SRSF3: variants seen among roughly 807,000 people sequenced by gnomAD.
SRSF3 encodes the protein serine/arginine-rich splicing factor 3.
For synonymous variants in SRSF3, 87 were observed against 73.6 expected, an observed-to-expected ratio of 1.18 and a Z score of -0.93; for missense variants, 58 against 217.1, an observed-to-expected ratio of 0.27 and a Z score of 4.61.
chr6:36,599,290 C>A, intron 3 of SRSF3: 1 of 281,866 alleles, frequency 3.5e-6, no homozygotes, highest in East Asian at 7.0e-5. Context: ...TTCTTGGCTC[C>A]ATAATGACAA....
intron 3 of SRSF3, 41 bp from the exon 4 acceptor site, chr6:36,601,111 C>T (rs1201672309): frequency 2.1e-6 from 3 of 1,426,652 alleles, no homozygotes; most frequent in East Asian, 7.1e-5. Flanking sequence ...GCCATAAATA[C>T]TAATTGATGA....
intron 1 of SRSF3, among the ~76,000 whole-genome samples, chr6:36,594,958 A>G (rs1025384156): frequency 6.6e-6 from 1 of 152,192 alleles, no homozygotes; most frequent in African/African-American, 2.4e-5. Context: ...AGACCGAAAG[A>G]TCTTCCTTGA....
chr6:36,595,599 T>C (rs894671103), intron 1 of SRSF3, among the ~76,000 whole-genome samples: 4 of 152,236 alleles, frequency 2.6e-5, no homozygotes, highest in African/African-American at 9.6e-5. Context: ...CGTGTACTTT[T>C]ATGTCTGGCT....
chr6:36,597,097 CTT>C (rs35760494), intron 2 of SRSF3, 129 bp downstream of exon 2: 21,408 of 338,168 alleles, frequency 0.063, 1 homozygote, highest in East Asian at 0.075. Flanking sequence ...CAATTGGGAT[CTT>C]TTTTTTTTTT....
intron 2 of SRSF3, among the ~76,000 whole-genome samples, chr6:36,598,069 T>G (rs187765337): frequency 6.6e-6 from 1 of 152,136 alleles, no homozygotes; most frequent in Non-Finnish European, 1.5e-5. Context: ...TTCTGTCTTG[T>G]CTTGAACTGA....
intron 1 of SRSF3, chr6:36,594,720 C>A (rs1778595909): frequency 6.6e-6 from 1 of 151,712 alleles, no homozygotes; most frequent in South Asian, 2.1e-4. Flanking sequence ...GAGTTGGGAA[C>A]CACAAAGGGG....
chr6:36,596,607 T>G, intron 1 of SRSF3, among the ~76,000 whole-genome samples, 154 bp from the exon 2 acceptor site: 1 of 146,636 alleles, frequency 6.8e-6, no homozygotes, highest in Non-Finnish European at 1.5e-5. Flanking sequence ...AGCAGTAACA[T>G]TTCTTGTTTG....
intron 3 of SRSF3, chr6:36,600,948 T>A (rs1371154181): frequency 2.1e-6 from 1 of 469,908 alleles, no homozygotes. Context: ...GCTTTTCACT[T>A]GAGCTTTTTG....
In SRSF3 at chr6:36,603,906, G is replaced by A. The variant is rs757262638; in HGVS notation, c.*1917G>A. On this transcript the variant is annotated 3_prime_UTR_variant, in exon 6 of 6. Transcript: ENST00000373715. ...GGGTTTCTGTAAAAAGGACAGTTAC[G>A]GGTATAATATGGCTAAGAGAAATAA... The A allele has an allele frequency of 1.7e-5, 4 of 228,586 alleles. No individual in the cohort carries two copies. Among genetic ancestry groups the A allele is most frequent in the South Asian group, 1.9e-4 (1 of 5,380 alleles). 14.2% of individuals were successfully genotyped at this position (228,586 alleles called of 1,614,324 possible). A position where few individuals can be genotyped will look rare whatever the true frequency, so the allele number is the denominator to read the frequency against.
In SRSF3 at chr6:36,602,704, A is replaced by T. The variant is rs1380163076; in HGVS notation, c.*715A>T. Reference sequence around the variant, plus strand: ...GCCGAACTTTGAGTTACTGTGCAAGATTTTTTTTTCATGCTGTCATTTGTA... The same window carrying T: ...GCCGAACTTTGAGTTACTGTGCAAGTTTTTTTTTTCATGCTGTCATTTGTA... On this transcript the variant is annotated 3_prime_UTR_variant, in exon 6 of 6. Coordinates refer to ENST00000373715, the MANE Select transcript of SRSF3 (RefSeq NM_003017.5). The T allele has an allele frequency of 4.8e-6, 1 of 210,214 alleles. No individual in the cohort carries two copies. Among genetic ancestry groups the T allele is most frequent in the South Asian group, 1.9e-4 (1 of 5,300 alleles). 13.0% of individuals were successfully genotyped at this position (210,214 alleles called of 1,614,324 possible). A position where few individuals can be genotyped will look rare whatever the true frequency, so the allele number is the denominator to read the frequency against.
At chr6:36,599,979 C>T in intron 3 of SRSF3, 3 of 1,292,086 alleles carry the variant, frequency 2.3e-6, no homozygotes, top group Non-Finnish European at 3.0e-6. Flanking sequence ...CCCTTTGGTT[C>T]CCGAGCATGC....
chr6:36,601,361 T>G, intron 4 of SRSF3, 171 bp downstream of exon 4: 1 of 673,518 alleles, frequency 1.5e-6, no homozygotes, highest in South Asian at 2.1e-5. Context: ...TAGAAAGTAT[T>G]TAATTTTTTA....
Position 36,598,774 on chromosome 6 carries a change from CTG to C in SRSF3, c.207-74_207-73del. On this transcript the variant is annotated intron_variant, in intron 2 of 5. Transcript: ENST00000373715. The stretch of plus-strand genomic sequence containing the variant: ...GGTGTGTTCTTTGCAGAATAGCCAA[CTG>C]AGAGTACTTTTGGCTTTAATACGCA... The C allele has an allele frequency of 1.9e-6, 3 of 1,539,398 alleles. No homozygotes were observed. In the South Asian group the frequency reaches 3.6e-5, roughly 18 times the overall value.
intron 3 of SRSF3, chr6:36,600,246 A>G: frequency 3.8e-6 from 4 of 1,044,512 alleles, no homozygotes; most frequent in Non-Finnish European, 4.6e-6. Context: ...GCCTCACCTC[A>G]CCATTTCTAG....
rs778276944 is a variant in SRSF3, at chr6:36,601,940, CTTT to C, written c.468-5_468-3del. 1,837 of 1,426,058 alleles carry C rather than the reference CTTT, an allele frequency of 1.3e-3. No individual in the cohort carries two copies. Among genetic ancestry groups the C allele is most frequent in the Admixed American group, 2.7e-3 (103 of 37,956 alleles). The allele number at this position is 1,426,058 out of a possible 1,614,324, so 88.3% of individuals were successfully genotyped here. A position where few individuals can be genotyped will look rare whatever the true frequency, so the allele number is the denominator to read the frequency against. ...AGTTACAGATGTAATGTTTTGTTTT[CTTT>C]TTTTTTTTTTTTTTTTAGTCGATCT... On this transcript the variant is annotated intron_variant, in intron 5 of 5. Coordinates refer to ENST00000373715, the MANE Select transcript of SRSF3 (RefSeq NM_003017.5).
chr6:36,601,713 T>C lies in SRSF3; in HGVS notation c.386T>C (p.Leu129Pro). ...RSFSRSRSRS[L>P]SRDRRRERSL... is the part of the protein sequence containing the mutation. ...ATGTTTTTTTGCTTGTTTAGGTCCC[T>C]TTCTAGAGATAGGAGAAGAGAGAGA... is the stretch of plus-strand genomic sequence containing the variant. Residue 129 changes from leucine to proline, a missense_variant, in exon 5 of 6, where the codon CTT (leucine) becomes CCT (proline). By Grantham distance (98) the Leu-to-Pro change is moderately conservative. Transcript: ENST00000373715. 6.2e-7 allele frequency: 1 copy of C among 1,602,382 alleles called. No individual in the cohort carries two copies. The highest frequency in any genetic ancestry group is 8.5e-7 in the Non-Finnish European group (1 of 1,170,816).
chr6:36,603,574 T>A lies in SRSF3; in HGVS notation c.*1585T>A. On this transcript the variant is annotated 3_prime_UTR_variant, in exon 6 of 6. Transcript: ENST00000373715. ...TAAGATACAGTTCCTAAACAAATTATTTATTTCCACCTTTTACACAAATCT... is the reference window on the plus strand; with the variant it reads ...TAAGATACAGTTCCTAAACAAATTAATTATTTCCACCTTTTACACAAATCT... 4.4e-6 allele frequency: 1 copy of A among 227,766 alleles called. No homozygotes were observed. The highest frequency in any genetic ancestry group is 6.3e-5 in the East Asian group (1 of 15,860). The allele number at this position is 227,766 out of a possible 1,614,324, so 14.1% of individuals were successfully genotyped here.
At chr6:36,595,833 C>G (rs1778617997) in intron 1 of SRSF3, among the ~76,000 whole-genome samples, 1 of 152,202 alleles carries the variant, frequency 6.6e-6, no homozygotes, top group Non-Finnish European at 1.5e-5. Flanking sequence ...TAAATTTTTA[C>G]CGCGTAAGAC....
rs1021262714 is a variant in SRSF3 at position 36,594,393 on chromosome 6, G to A, written c.-91G>A. The A allele has an allele frequency of 6.5e-6, 1 of 152,776 alleles. No individual in the cohort carries two copies. The highest frequency in any genetic ancestry group is 1.5e-5 in the Non-Finnish European group (1 of 68,160). 9.5% of individuals were successfully genotyped at this position (152,776 alleles called of 1,614,324 possible). ...TTTCGTGGACGCCGGGTGAGTGAGA[G>A]AGTTGGTTGGTGTTGGGCCGGAGGA... On this transcript the variant is annotated 5_prime_UTR_variant, in exon 1 of 6. Coordinates refer to ENST00000373715, the MANE Select transcript of SRSF3 (RefSeq NM_003017.5).
Sources: allele counts gnomAD v4.1 joint callset (sites outside exome capture counted in the v4.1 genomes callset), GRCh38; gene constraint gnomAD v4.1.1; transcripts MANE v1.5; gene names NCBI Gene and HGNC (gene_info 2026-07-23, HGNC 2026-07-21).